Variants in MMAA observed in about 807,000 individuals in gnomAD.
MMAA encodes metabolism of cobalamin associated A.
Under a neutral mutation model 45.0 loss-of-function variants are expected in MMAA, and 41 were observed. That is an observed-to-expected ratio of 0.91 (90% confidence interval 0.71 to 1.18). MMAA has a LOEUF of 1.18. Ranked by LOEUF, MMAA falls within the 50% of genes most tolerant of loss-of-function variation. The pLI is 0.00. For missense variants in MMAA, 460 were observed against 495.7 expected (o/e 0.93, Z 0.68); for synonymous variants, 154 against 178.2 (o/e 0.86, Z 1.08).
At chr4:145,629,694 G>C (rs1328368638) in intron 1 of MMAA, among the ~76,000 whole-genome samples, 1 of 152,164 alleles carries the variant, frequency 6.6e-6, no homozygotes, top group East Asian at 1.9e-4. Flanking sequence ...GGCTGGGGAG[G>C]CTTCACAGTC....
intron 1 of MMAA, chr4:145,624,233 A>G: frequency 2.5e-6 from 2 of 811,866 alleles, no homozygotes; most frequent in Admixed American, 3.4e-5. Flanking sequence ...AAGAGATCAC[A>G]AACTGCAGGG....
chr4:145,653,737 TG>T (rs1275342085), intron 5 of MMAA, among the ~76,000 whole-genome samples: 1 of 152,208 alleles, frequency 6.6e-6, no homozygotes, highest in Non-Finnish European at 1.5e-5. Flanking sequence ...TGTTGTGACT[TG>T]ATGTATTTAC....
intron 1 of MMAA, among the ~76,000 whole-genome samples, chr4:145,631,130 T>G (rs1734327669): frequency 6.6e-6 from 1 of 152,226 alleles, no homozygotes; most frequent in Non-Finnish European, 1.5e-5. Context: ...CCACAGCCAT[T>G]GGATGAAATG....
At chr4:145,630,301 A>G (rs1734308595) in intron 1 of MMAA, among the ~76,000 whole-genome samples, 1 of 152,228 alleles carries the variant, frequency 6.6e-6, no homozygotes. Flanking sequence ...CTTGCTCATA[A>G]TAAGCACTAA....
At position 145,645,969 on chromosome 4, in the gene MMAA, G is replaced by A. The variant is rs750810986; in HGVS notation, c.563-17G>A. The A allele has an allele frequency of 1.9e-6, 3 of 1,613,346 alleles. No homozygotes were observed. The highest frequency in any genetic ancestry group is 1.7e-5 in the Admixed American group (1 of 60,006). Reference sequence around the variant, plus strand: ...TAAAACTGTTCCATGATTATAAAATGTAACTGTATGTTTTAGGATCACTCT... The same window carrying A: ...TAAAACTGTTCCATGATTATAAAATATAACTGTATGTTTTAGGATCACTCT... On this transcript the variant is annotated splice_polypyrimidine_tract_variant and intron_variant, in intron 3 of 6. Transcript: ENST00000649156.
intron 1 of MMAA, among the ~76,000 whole-genome samples, chr4:145,629,819 T>C (rs1734292325): frequency 6.6e-6 from 1 of 152,084 alleles, no homozygotes; most frequent in South Asian, 2.1e-4. Flanking sequence ...TGAGACTCAT[T>C]CACTATCAGG....
chr4:145,624,770 C>T, intron 1 of MMAA: 3 of 1,599,678 alleles, frequency 1.9e-6, no homozygotes, highest in Non-Finnish European at 2.6e-6. Flanking sequence ...TCTCATCATA[C>T]ACGCACTCTG....
At position 145,659,146 on chromosome 4, in the gene MMAA, T is replaced by C; in HGVS notation, c.*3712T>C. 6.6e-6 allele frequency: 1 copy of C among 152,228 alleles called. No homozygotes were observed. The highest frequency in any genetic ancestry group is 1.9e-4 in the East Asian group (1 of 5,206). The allele number at this position is 152,228 out of a possible 1,614,324, so 9.4% of individuals were successfully genotyped here. ...AAAACTCTTTAACAAATGTTTTTCTTTCCGTAGTATTTTAATTAAAATTTT... is the reference window on the plus strand; with the variant it reads ...AAAACTCTTTAACAAATGTTTTTCTCTCCGTAGTATTTTAATTAAAATTTT... On this transcript the variant is annotated 3_prime_UTR_variant, in exon 7 of 7. Transcript: ENST00000649156.
intron 2 of MMAA, 74 bp downstream of exon 2, chr4:145,639,652 C>CTAAA (rs1727728413): frequency 3.3e-6 from 5 of 1,523,202 alleles, no homozygotes; most frequent in Non-Finnish European, 4.4e-6. Context: ...AAAAAAAAGT[C>CTAAA]TAAATAGTTT....
At chr4:145,647,912 A>G (rs1398093046) in intron 4 of MMAA, among the ~76,000 whole-genome samples, 3 of 152,030 alleles carry the variant, frequency 2.0e-5, no homozygotes, top group African/African-American at 7.3e-5. Flanking sequence ...GCTGGAGTGC[A>G]GTTGCGGGGT....
At chr4:145,625,261 GTT>G in intron 1 of MMAA, 1 of 849,644 alleles carries the variant, frequency 1.2e-6, no homozygotes, top group Non-Finnish European at 2.0e-6. Context: ...TGAGGAGCAA[GTT>G]TTCTAAGCCC....
intron 5 of MMAA, 135 bp downstream of exon 5, chr4:145,651,282 C>A (rs1485283253): frequency 3.9e-6 from 3 of 773,582 alleles, no homozygotes; most frequent in Non-Finnish European, 6.5e-6. Context: ...GGCTAAAATA[C>A]CTGAATCAAA....
intron 1 of MMAA, among the ~76,000 whole-genome samples, chr4:145,633,721 A>G (rs765020575): frequency 1.3e-5 from 2 of 152,026 alleles, no homozygotes; most frequent in Non-Finnish European, 2.9e-5. Flanking sequence ...GCTTGTTTGT[A>G]CCTGTCCTTC....
intron 5 of MMAA, 47 bp downstream of exon 5, chr4:145,651,194 T>C (rs1728079079): frequency 6.6e-7 from 1 of 1,512,058 alleles, no homozygotes; most frequent in Non-Finnish European, 9.2e-7. Context: ...TGTATATCTC[T>C]GAAAATAAAA....
intron 1 of MMAA, chr4:145,626,101 G>A: frequency 3.1e-6 from 2 of 651,606 alleles, no homozygotes; most frequent in East Asian, 5.2e-5. Context: ...GGTGGACTGA[G>A]ACACGGCCCC....
chr4:145,641,657 A>G (rs1336198614), intron 2 of MMAA, among the ~76,000 whole-genome samples: 2 of 152,192 alleles, frequency 1.3e-5, no homozygotes, highest in African/African-American at 4.8e-5. Context: ...TACTATATCT[A>G]TTTTATTGCA....
At chr4:145,624,757 A>G in intron 1 of MMAA, 2 of 1,598,614 alleles carry the variant, frequency 1.3e-6, no homozygotes, top group Admixed American at 3.4e-5. Flanking sequence ...TTCTCCTCAC[A>G]ATTCTCATCA....
rs1163156904 is a variant in MMAA at position 145,656,775 on chromosome 4, A to G, written c.*1341A>G. The G allele has an allele frequency of 6.6e-6, 1 of 152,236 alleles. No individual in the cohort carries two copies. Among genetic ancestry groups the G allele is most frequent in the Non-Finnish European group, 1.5e-5 (1 of 68,034 alleles). The allele number at this position is 152,236 out of a possible 1,614,324, so 9.4% of individuals were successfully genotyped here. On this transcript the variant is annotated 3_prime_UTR_variant, in exon 7 of 7. Transcript: ENST00000649156. ...TAACATATTCTATTCTGAACCCTGT[A>G]GAATATTTTATGTAGTATAGCAGCT...
intron 1 of MMAA, among the ~76,000 whole-genome samples, chr4:145,634,356 T>C (rs962478716): frequency 2.6e-5 from 4 of 152,116 alleles, no homozygotes; most frequent in African/African-American, 9.7e-5. Context: ...CACAGGCCCA[T>C]GAAGAGTGCT....
Sources: gnomAD v4.1 joint callset for allele counts (sites outside exome capture counted in the v4.1 genomes callset) on GRCh38, gnomAD v4.1.1 for gene constraint, MANE v1.5 for transcripts, NCBI Gene and HGNC (gene_info 2026-07-23, HGNC 2026-07-21) for gene names.